RELN: variants seen among roughly 807,000 people sequenced by gnomAD.
The protein encoded by RELN is reelin.
Under a neutral mutation model 427.6 loss-of-function variants are expected in RELN, and 108 were observed. The observed-to-expected ratio is 0.25, with a 90% CI of 0.22 to 0.30. The LOEUF (loss-of-function observed/expected upper bound fraction) is 0.30, where lower values mean the gene tolerates loss of function less well. RELN is among the 10% of genes least tolerant of loss of function. The pLI, the probability that RELN is intolerant of heterozygous loss-of-function variation, is 1.00. For missense variants in RELN, 3,715 were observed against 4,302.8 expected (o/e 0.86, Z 3.82); for synonymous variants, 1,524 against 1,513.4 (o/e 1.01, Z -0.16).
chr7:103,529,715 T>C (rs1273904504), intron 46 of RELN, among the ~76,000 whole-genome samples: 1 of 152,176 alleles, frequency 6.6e-6, no homozygotes, highest in Admixed American at 6.5e-5. Context: ...AAAGAGGCAG[T>C]ACTAATACAG....
intron 40 of RELN, among the ~76,000 whole-genome samples, chr7:103,552,661 C>A (rs1830439539): frequency 6.6e-6 from 1 of 151,834 alleles, no homozygotes; most frequent in African/African-American, 2.4e-5. Flanking sequence ...CACCACCATG[C>A]CCGGCTAATT....
chr7:103,892,407 T>G (rs932632996), intron 2 of RELN, among the ~76,000 whole-genome samples: 1 of 152,132 alleles, frequency 6.6e-6, no homozygotes, highest in African/African-American at 2.4e-5. Context: ...ATTAAAAGGG[T>G]GAAAGGGAAG....
At chr7:103,616,414 G>A (rs529638986) in intron 20 of RELN, among the ~76,000 whole-genome samples, 15 of 151,960 alleles carry the variant, frequency 9.9e-5, no homozygotes, top group Admixed American at 8.5e-4. Context: ...ACTTGTTGAT[G>A]TTGTGGGCTT....
At chr7:103,518,397 A>G (rs868356354) in intron 49 of RELN, among the ~76,000 whole-genome samples, 4 of 149,384 alleles carry the variant, frequency 2.7e-5, no homozygotes, top group Non-Finnish European at 5.9e-5. Flanking sequence ...TAGTGCCACA[A>G]TCATAGCTTA....
rs189539566 is a variant in RELN at position 103,661,214 on chromosome 7, G to A, written c.1441+162C>T. Among the ~76,000 whole-genome samples the A allele has an allele frequency of 3.7e-3, 571 of 152,280 alleles. 3 individuals carry two copies. Among genetic ancestry groups the A allele is most frequent in the Non-Finnish European group, 6.5e-3 (443 of 68,020 alleles). ...AGGTTGGCTCCAGCGGGGCTGGCCT[G>A]AAACACGGGGGAGTACCACAGGCTT... On this transcript the variant is annotated intron_variant, in intron 12 of 64. Coordinates refer to ENST00000428762, the MANE Select transcript of RELN (RefSeq NM_005045.4).
chr7:103,560,744 A>G (rs192669827), intron 36 of RELN, among the ~76,000 whole-genome samples: 22 of 152,278 alleles, frequency 1.4e-4, no homozygotes, highest in Middle Eastern at 3.4e-3. Context: ...CTCAGGCCCT[A>G]TGCATTTCTT....
At chr7:103,699,894 C>T (rs935450083) in intron 9 of RELN, among the ~76,000 whole-genome samples, 7 of 152,006 alleles carry the variant, frequency 4.6e-5, no homozygotes, top group African/African-American at 1.7e-4. Context: ...GAGTTAGAAA[C>T]ACTTTTCTCA....
intron 55 of RELN, among the ~76,000 whole-genome samples, chr7:103,497,088 G>A (rs1312648521): frequency 6.6e-6 from 1 of 152,112 alleles, no homozygotes; most frequent in Non-Finnish European, 1.5e-5. Context: ...TGTTTTACAT[G>A]TTTCTAGGCA....
chr7:103,551,446 G>A, intron 40 of RELN, 150 bp from the exon 41 acceptor site: 1 of 697,786 alleles, frequency 1.4e-6, no homozygotes, highest in South Asian at 1.6e-5. Flanking sequence ...GCCTTACTGA[G>A]TAATATTGTA....
At chr7:103,868,088 T>A (rs187634188) in intron 2 of RELN, among the ~76,000 whole-genome samples, 2 of 152,194 alleles carry the variant, frequency 1.3e-5, no homozygotes, top group East Asian at 3.9e-4. Flanking sequence ...CCATGCATAA[T>A]TGGATGGCAC....
chr7:103,937,909 T>C (rs1796021921), intron 1 of RELN, among the ~76,000 whole-genome samples: 1 of 152,212 alleles, frequency 6.6e-6, no homozygotes, highest in Non-Finnish European at 1.5e-5. Flanking sequence ...CAAATAGAGA[T>C]ATATCTGACA....
chr7:103,852,114 A>G (rs142660798), intron 2 of RELN, among the ~76,000 whole-genome samples: 10 of 152,314 alleles, frequency 6.6e-5, no homozygotes, highest in African/African-American at 2.4e-4. Flanking sequence ...AACACTTGTC[A>G]TAGTCCATTT....
In RELN at chr7:103,551,631, G is replaced by A. The variant is rs536063447; in HGVS notation, c.6073-335C>T. On this transcript the variant is annotated intron_variant, in intron 40 of 64. Transcript: ENST00000428762. The stretch of plus-strand genomic sequence containing the variant: ...CCAAGTAAATCACAGTGAAAAGACT[G>A]TTTCCCTAATCCTAACTGTTAGCTT... Among the ~76,000 whole-genome samples the A allele has an allele frequency of 6.6e-5, 10 of 152,168 alleles. No homozygotes were observed. In the South Asian group the frequency reaches 2.1e-3, roughly 32 times the overall value.
Position 103,630,124 on chromosome 7 carries a change from T to G in RELN, c.2518A>C (p.Arg840=). 1 of 1,613,776 alleles carries G rather than the reference T, an allele frequency of 6.2e-7. No homozygotes were observed. Among genetic ancestry groups the G allele is most frequent in the Non-Finnish European group, 8.5e-7 (1 of 1,179,838 alleles). Residue 840 remains arginine, a synonymous_variant, in exon 20 of 65, where the codon AGA becomes CGA. Coordinates refer to ENST00000428762, the MANE Select transcript of RELN (RefSeq NM_005045.4). ...GAAGAATGATACGGTTGCCACCATC[T>G]GAACTGAATTCCAAACTGCTTTGCA... The part of the protein sequence containing the change: ...GDAKQFGIQF[R]WWQPYHSSQR...
chr7:103,596,397 A>G, intron 25 of RELN, 59 bp downstream of exon 25: 1 of 1,446,984 alleles, frequency 6.9e-7, no homozygotes, highest in South Asian at 1.1e-5. Flanking sequence ...CACATCAACA[A>G]TGATTTAACC....
Position 103,495,841 on chromosome 7 carries a change from CCTG to C in RELN, c.9248_9250del (p.Ala3083del). On this transcript the variant is annotated inframe_deletion, in exon 57 of 65. Coordinates refer to ENST00000428762, the MANE Select transcript of RELN (RefSeq NM_005045.4). ...GTGAAAGGATGGATTGCCACAAAAT[CCTG>C]CTGTCCTTACAGCATTAGGGTAAAA... 6.2e-7 allele frequency: 1 copy of C among 1,613,910 alleles called. No individual in the cohort carries two copies. Among genetic ancestry groups the C allele is most frequent in the Non-Finnish European group, 8.5e-7 (1 of 1,179,916 alleles).
At chr7:103,814,071 G>A (rs1482110293) in intron 3 of RELN, among the ~76,000 whole-genome samples, 1 of 152,052 alleles carries the variant, frequency 6.6e-6, no homozygotes, top group African/African-American at 2.4e-5. Flanking sequence ...TTGGTTAAGG[G>A]CCTGAATTGA....
rs139337499 is a variant in RELN, at chr7:103,923,976, AC to A, written c.227-6792del. ...TAATTACTATAATTATACCCCTTTT[AC>A]CCATTAAAGCTGAAACAAAGAGGGG... is the stretch of plus-strand genomic sequence containing the variant. On this transcript the variant is annotated intron_variant, in intron 1 of 64. Coordinates refer to ENST00000428762, the MANE Select transcript of RELN (RefSeq NM_005045.4). Among the ~76,000 whole-genome samples the A allele has an allele frequency of 1.9e-3, 289 of 152,244 alleles. 4 individuals are homozygous for A. The East Asian group carries it at 0.045, about 24-fold the overall frequency.
At chr7:103,768,858 T>G (rs1260694234) in intron 4 of RELN, among the ~76,000 whole-genome samples, 1 of 152,186 alleles carries the variant, frequency 6.6e-6, no homozygotes, top group Non-Finnish European at 1.5e-5. Flanking sequence ...AAGGGATTTA[T>G]TCTCCTTGCC....
Sources: gnomAD v4.1 joint callset for allele counts (sites outside exome capture counted in the v4.1 genomes callset) on GRCh38, gnomAD v4.1.1 for gene constraint, MANE v1.5 for transcripts, NCBI Gene and HGNC (gene_info 2026-07-23, HGNC 2026-07-21) for gene names.